RARB: variants seen among roughly 807,000 people sequenced by gnomAD.
The protein encoded by RARB is retinoic acid receptor beta, also known as HBV-activated protein.
In RARB, 17 loss-of-function variants were observed where a neutral mutation model predicts 51.9. The ratio of observed to expected loss-of-function variants is 0.33; its 90% CI spans 0.22 to 0.49. The LOEUF is 0.49. Among genes scored for constraint, RARB ranks in the 20% least tolerant of loss-of-function variants. The pLI is 0.99. For synonymous variants in RARB, 215 were observed against 195.4 expected, an observed-to-expected ratio of 1.10 and a Z score of -0.84; for missense variants, 369 against 550.8, an observed-to-expected ratio of 0.67 and a Z score of 3.30.
chr3:25,242,500 G>T (rs892570798), intron 5 of RARB, among the ~76,000 whole-genome samples: 1 of 151,992 alleles, frequency 6.6e-6, no homozygotes, highest in African/African-American at 2.4e-5. Flanking sequence ...AAAGGAAGGG[G>T]TCCAGTCTCA....
chr3:24,889,244 G>T (rs545133595), intron 2 of RARB, among the ~76,000 whole-genome samples: 2 of 152,204 alleles, frequency 1.3e-5, no homozygotes, highest in Admixed American at 1.3e-4. Context: ...ATCACCTTTT[G>T]CAGTAGTTTT....
intron 5 of RARB, among the ~76,000 whole-genome samples, chr3:25,211,032 C>A (rs747254126): frequency 7.9e-5 from 12 of 152,142 alleles, no homozygotes; most frequent in Admixed American, 7.9e-4. Context: ...CAGTACCTAT[C>A]TGATAAAGTT....
At position 24,895,426 on chromosome 3, in the gene RARB, CAGA is replaced by C. The variant is rs755624940; in HGVS notation, c.-380+36677_-380+36679del. Among the ~76,000 whole-genome samples the C allele has an allele frequency of 5.4e-4, 82 of 152,194 alleles. 2 individuals carry two copies. The highest frequency in any genetic ancestry group is 3.9e-4 in the Admixed American group (6 of 15,276). ...GGTCCTACCTCCAGAGTTTCTGCTT[CAGA>C]AGGACTGGGATGAAGCCCTAGAGTT... On this transcript the variant is annotated intron_variant, in intron 2 of 11. Coordinates refer to the RARB transcript ENST00000383772.
intron 4 of RARB, among the ~76,000 whole-genome samples, chr3:25,152,981 A>G (rs953682793): frequency 6.6e-6 from 1 of 152,204 alleles, no homozygotes; most frequent in Non-Finnish European, 1.5e-5. Flanking sequence ...ACCATGACAA[A>G]CAGTTTGAAG....
intron 2 of RARB, among the ~76,000 whole-genome samples, chr3:24,899,997 A>T (rs1703566615): frequency 6.6e-6 from 1 of 152,116 alleles, no homozygotes; most frequent in African/African-American, 2.4e-5. Context: ...CGATATAAGC[A>T]TTTTTTCATT....
At chr3:25,095,219 A>T (rs1699272881) in intron 3 of RARB, among the ~76,000 whole-genome samples, 2 of 152,192 alleles carry the variant, frequency 1.3e-5, no homozygotes, top group South Asian at 4.1e-4. Context: ...TGTAGAATGA[A>T]TTGGAATGTT....
intron 2 of RARB, among the ~76,000 whole-genome samples, chr3:24,919,064 A>G (rs1322271553): frequency 6.6e-6 from 1 of 152,182 alleles, no homozygotes; most frequent in African/African-American, 2.4e-5. Context: ...TCTATAAAAT[A>G]GCAATAAGAG....
intron 4 of RARB, among the ~76,000 whole-genome samples, chr3:25,143,445 T>G (rs965283167): frequency 1.3e-5 from 2 of 152,174 alleles, no homozygotes; most frequent in African/African-American, 2.4e-5. Context: ...CAGATGTGGA[T>G]TGAGGCCCAC....
chr3:24,892,301 G>A (rs1703399122), intron 2 of RARB, among the ~76,000 whole-genome samples: 2 of 151,766 alleles, frequency 1.3e-5, no homozygotes. Context: ...TGGGCTGGAG[G>A]TAGGAGGCTT....
intron 2 of RARB, among the ~76,000 whole-genome samples, chr3:24,914,915 T>C (rs754686500): frequency 6.6e-6 from 1 of 152,190 alleles, no homozygotes; most frequent in African/African-American, 2.4e-5. Flanking sequence ...TGTGACCTGT[T>C]TGGATTTGTT....
chr3:25,144,227 C>T (rs922735920), intron 4 of RARB, among the ~76,000 whole-genome samples: 1 of 152,084 alleles, frequency 6.6e-6, no homozygotes, highest in African/African-American at 2.4e-5. Flanking sequence ...CAGAAGATGG[C>T]AGGGTACTTA....
intron 2 of RARB, among the ~76,000 whole-genome samples, chr3:24,964,490 A>G (rs1394030579): frequency 6.6e-6 from 1 of 152,100 alleles, no homozygotes; most frequent in Non-Finnish European, 1.5e-5. Context: ...ACCACTCTCC[A>G]TTTTATATTC....
chr3:25,336,769 C>A (rs909357137), intron 5 of RARB, among the ~76,000 whole-genome samples: 7 of 152,036 alleles, frequency 4.6e-5, no homozygotes, highest in Admixed American at 4.6e-4. Flanking sequence ...CAAGCAATAC[C>A]GGGAGAATTG....
intron 2 of RARB, among the ~76,000 whole-genome samples, chr3:24,956,057 G>C (rs762285386): frequency 3.2e-4 from 49 of 152,142 alleles, no homozygotes; most frequent in Non-Finnish European, 6.8e-4. Flanking sequence ...CCTGATCTCT[G>C]AATTGAGGGG....
At chr3:25,357,297 G>T (rs1026018851) in intron 5 of RARB, among the ~76,000 whole-genome samples, 1 of 152,126 alleles carries the variant, frequency 6.6e-6, no homozygotes, top group Non-Finnish European at 1.5e-5. Flanking sequence ...ATGTTTGTTG[G>T]CTGCATAAAT....
intron 5 of RARB, among the ~76,000 whole-genome samples, chr3:25,421,960 G>C (rs1262883332): frequency 5.3e-5 from 8 of 152,112 alleles, no homozygotes; most frequent in Admixed American, 4.6e-4. Context: ...TGCTGCAATA[G>C]AGCTTTCTGC....
intron 5 of RARB, among the ~76,000 whole-genome samples, chr3:25,405,126 T>C (rs1470093592): frequency 6.6e-6 from 1 of 152,170 alleles, no homozygotes; most frequent in Non-Finnish European, 1.5e-5. Flanking sequence ...TTTTTAACCG[T>C]CTCTTAATCC....
chr3:25,401,358 T>G (rs544585354), intron 5 of RARB, among the ~76,000 whole-genome samples: 1 of 152,316 alleles, frequency 6.6e-6, no homozygotes, highest in African/African-American at 2.4e-5. Flanking sequence ...ATAGCCCTTA[T>G]AATTTTTTTC....
At chr3:25,026,993 TTAA>T (rs10588860) in intron 2 of RARB, among the ~76,000 whole-genome samples, 102,572 of 151,750 alleles carry the variant, frequency 0.68, 34,963 homozygotes, top group East Asian at 0.87. Context: ...AATTTAATTT[TTAA>T]TAATAGCTGT....
Sources: allele counts gnomAD v4.1 joint callset (sites outside exome capture counted in the v4.1 genomes callset), GRCh38; gene constraint gnomAD v4.1.1; transcripts MANE v1.5; gene names NCBI Gene and HGNC (gene_info 2026-07-23, HGNC 2026-07-21).